Variants in ZC3H12B observed in about 807,000 individuals in gnomAD.
The protein encoded by ZC3H12B is probable ribonuclease ZC3H12B.
ZC3H12B carries 7 observed loss-of-function variants against 43.9 expected under a neutral mutation model. The ratio of observed to expected loss-of-function variants is 0.16; its 90% confidence interval spans 0.09 to 0.30. The LOEUF (loss-of-function observed/expected upper bound fraction) is 0.30, where lower values mean the gene tolerates loss of function less well. ZC3H12B is among the 10% of genes least tolerant of loss of function. The pLI is 1.00. For missense variants in ZC3H12B, 475 were observed against 670.2 expected, an observed-to-expected ratio of 0.71 and a Z score of 3.22; for synonymous variants, 222 against 241.7, an observed-to-expected ratio of 0.92 and a Z score of 0.76.
chrX:65,355,341 A>G, the ZC3H12B span, among the ~76,000 whole-genome samples: 1 of 111,874 alleles, frequency 8.9e-6, no homozygotes, highest in Non-Finnish European at 1.9e-5. Context: ...TTAAATGAGA[A>G]ATTTCATTTT....
At chrX:65,209,669 G>A in the ZC3H12B span, among the ~76,000 whole-genome samples, 1 of 110,335 alleles carries the variant, frequency 9.1e-6, no homozygotes, top group Non-Finnish European at 1.9e-5. Flanking sequence ...ATTTGGGGTG[G>A]AGAGTTCGCT....
the ZC3H12B span, among the ~76,000 whole-genome samples, chrX:65,098,684 G>A: frequency 1.8e-5 from 2 of 110,749 alleles, no homozygotes; most frequent in East Asian, 5.8e-4. Flanking sequence ...AGCCATGAGG[G>A]ACTGTGCTAT....
At chrX:65,206,759 A>G in the ZC3H12B span, among the ~76,000 whole-genome samples, 8 of 111,666 alleles carry the variant, frequency 7.2e-5, no homozygotes, top group African/African-American at 2.6e-4. Flanking sequence ...TGCAATCTGT[A>G]CATCTGACAA....
At chrX:65,272,481 C>A in the ZC3H12B span, 1 of 111,779 alleles carries the variant, frequency 8.9e-6, no homozygotes, top group Admixed American at 9.5e-5. Context: ...ATGCTGGGAG[C>A]TGCTCCTTTA....
At chrX:65,256,718 A>G in the ZC3H12B span, among the ~76,000 whole-genome samples, 3 of 112,121 alleles carry the variant, frequency 2.7e-5, no homozygotes, top group Non-Finnish European at 5.6e-5. Context: ...TTGAGACATG[A>G]AAAACCACAC....
the ZC3H12B span, among the ~76,000 whole-genome samples, chrX:65,284,021 C>A: frequency 9.0e-6 from 1 of 110,745 alleles, no homozygotes; most frequent in Admixed American, 9.6e-5. Context: ...GGGATCGATC[C>A]CCAGCAGGAC....
At chrX:65,294,251 A>G in the ZC3H12B span, among the ~76,000 whole-genome samples, 1 of 111,647 alleles carries the variant, frequency 9.0e-6, no homozygotes, top group East Asian at 2.8e-4. Flanking sequence ...TATTCGGCAA[A>G]ACTAAGCTAC....
intron 1 of ZC3H12B, among the ~76,000 whole-genome samples, chrX:65,491,561 T>A (rs1310627732): frequency 1.8e-5 from 2 of 109,286 alleles, no homozygotes; most frequent in Non-Finnish European, 3.8e-5. Context: ...ACAAAAATTA[T>A]CCAGGCATAG....
At chrX:65,393,652 A>G (rs1248170983) in intron 2 of ZC3H12B, among the ~76,000 whole-genome samples, 2 of 112,234 alleles carry the variant, frequency 1.8e-5, no homozygotes, top group Non-Finnish European at 3.8e-5. Flanking sequence ...AACATATGCA[A>G]TAAACACATG....
the ZC3H12B span, among the ~76,000 whole-genome samples, chrX:65,324,089 T>C: frequency 1.8e-5 from 2 of 112,382 alleles, no homozygotes; most frequent in African/African-American, 6.5e-5. Flanking sequence ...AGATTCTGGA[T>C]ATTAGACCTT....
chrX:65,395,754 A>G (rs1178677401), intron 2 of ZC3H12B, among the ~76,000 whole-genome samples: 2 of 111,959 alleles, frequency 1.8e-5, no homozygotes, highest in Admixed American at 1.9e-4. Context: ...TAGTTTCAGA[A>G]GAAATGGTAC....
At chrX:65,346,474 C>T in the ZC3H12B span, among the ~76,000 whole-genome samples, 2 of 111,218 alleles carry the variant, frequency 1.8e-5, no homozygotes, top group Non-Finnish European at 3.8e-5. Context: ...CAAAAAGTAA[C>T]TCAAGATGAT....
the ZC3H12B span, among the ~76,000 whole-genome samples, chrX:65,225,271 G>A: frequency 8.9e-6 from 1 of 112,453 alleles, no homozygotes; most frequent in East Asian, 2.8e-4. Flanking sequence ...AACAGGGTCT[G>A]GAGTGGACCT....
chrX:65,198,528 A>C, the ZC3H12B span, among the ~76,000 whole-genome samples: 1 of 111,833 alleles, frequency 8.9e-6, no homozygotes, highest in Admixed American at 9.5e-5. Context: ...CTGAGATAAA[A>C]GTTTTTTTCG....
the ZC3H12B span, among the ~76,000 whole-genome samples, chrX:65,227,547 G>A: frequency 1.8e-5 from 2 of 111,139 alleles, no homozygotes; most frequent in African/African-American, 3.3e-5. Context: ...CAGAACTGAA[G>A]GAAATGGAGA....
At chrX:65,368,558 T>A (rs1194110511) in intron 1 of ZC3H12B, among the ~76,000 whole-genome samples, 1 of 112,038 alleles carries the variant, frequency 8.9e-6, no homozygotes, top group Non-Finnish European at 1.9e-5. Context: ...ATTATTCTTT[T>A]AGACTGAATC....
intron 2 of ZC3H12B, among the ~76,000 whole-genome samples, chrX:65,369,552 T>C (rs1211706344): frequency 8.9e-6 from 1 of 111,840 alleles, no homozygotes; most frequent in Non-Finnish European, 1.9e-5. Context: ...CTACCTCTAC[T>C]TCATTGTGCC....
chrX:65,047,401 C>T, the ZC3H12B span, among the ~76,000 whole-genome samples: 1 of 111,050 alleles, frequency 9.0e-6, no homozygotes, highest in Non-Finnish European at 1.9e-5. Flanking sequence ...ATTCAGTTTT[C>T]CTTACTTTTG....
chrX:65,501,633 G>A (rs367639404), intron 4 of ZC3H12B, among the ~76,000 whole-genome samples, 156 bp from the exon 10 acceptor site: 13 of 110,795 alleles, frequency 1.2e-4, no homozygotes, highest in African/African-American at 3.6e-4. Context: ...ATGCCTCCTT[G>A]GTGTTGTCTG....
Sources: gnomAD v4.1 joint callset for allele counts (sites outside exome capture counted in the v4.1 genomes callset) on GRCh38, gnomAD v4.1.1 for gene constraint, MANE v1.5 for transcripts, NCBI Gene and HGNC (gene_info 2026-07-23, HGNC 2026-07-21) for gene names.